The following CFAP54 variants were observed in gnomAD, a reference collection of about 807,000 sequenced individuals.
CFAP54 encodes the protein cilia- and flagella-associated protein 54.
Under a neutral mutation model 370.4 loss-of-function variants are expected in CFAP54, and 290 were observed. That is an observed-to-expected ratio of 0.78 (90% CI 0.71 to 0.86). The LOEUF is 0.86. CFAP54 is among the 40% of genes least tolerant of loss of function. The probability of loss-of-function intolerance (pLI) is 0.00; values close to 1 mark genes in which losing one functional copy is unlikely to be tolerated. For missense variants in CFAP54, 3,399 were observed against 3,528.7 expected (o/e 0.96, Z 0.93); for synonymous variants, 1,206 against 1,236.5 (o/e 0.98, Z 0.52).
chr12:96,741,047 G>A (rs1243203716), intron 51 of CFAP54, among the ~76,000 whole-genome samples: 1 of 152,146 alleles, frequency 6.6e-6, no homozygotes, highest in Non-Finnish European at 1.5e-5. Context: ...GAGTGATTAA[G>A]TTCTATTGAT....
intron 42 of CFAP54, among the ~76,000 whole-genome samples, chr12:96,685,575 G>A (rs1036762328): frequency 2.6e-5 from 4 of 151,396 alleles, no homozygotes; most frequent in Non-Finnish European, 5.9e-5. Flanking sequence ...TTTTTGAGAC[G>A]GAGTCTCACT....
intron 12 of CFAP54, among the ~76,000 whole-genome samples, chr12:96,535,845 T>C (rs533833493): frequency 1.3e-5 from 2 of 152,214 alleles, no homozygotes; most frequent in Non-Finnish European, 2.9e-5. Context: ...ATGAAGGAAA[T>C]GAGGCAGTGG....
Position 96,721,055 on chromosome 12 carries a change from T to C in CFAP54, c.6965+490T>C, listed in dbSNP as rs567917881. Among the ~76,000 whole-genome samples, 110 of 152,138 alleles carry C rather than the reference T, an allele frequency of 7.2e-4. 1 individual carries two copies. In the South Asian group the frequency reaches 8.3e-3, roughly 11 times the overall value. ...AAAATTACAGTTCTCAATAAAGCAA[T>C]TATTTTATGAAGGCACACAGCTGGG... On this transcript the variant is annotated intron_variant, in intron 50 of 67. Transcript: ENST00000524981.
At chr12:96,664,574 C>G (rs1422047749) in intron 39 of CFAP54, among the ~76,000 whole-genome samples, 1 of 149,624 alleles carries the variant, frequency 6.7e-6, no homozygotes, top group African/African-American at 2.5e-5. Context: ...GCTAATTGCT[C>G]TACATAATTT....
At chr12:96,525,761 G>A (rs1465914032) in intron 8 of CFAP54, among the ~76,000 whole-genome samples, 1 of 152,140 alleles carries the variant, frequency 6.6e-6, no homozygotes, top group East Asian at 1.9e-4. Context: ...CATGATCTTG[G>A]CTCACTGCAA....
intron 32 of CFAP54, among the ~76,000 whole-genome samples, chr12:96,640,540 A>G (rs1956714089): frequency 6.6e-6 from 1 of 152,192 alleles, no homozygotes; most frequent in South Asian, 2.1e-4. Context: ...CCATCAACCT[A>G]CCAATGACTT....
At chr12:96,728,381 T>C (rs1260743577) in intron 50 of CFAP54, among the ~76,000 whole-genome samples, 2 of 152,216 alleles carry the variant, frequency 1.3e-5, no homozygotes, top group Non-Finnish European at 2.9e-5. Context: ...TGTTTCTTTT[T>C]ATTCTTTTTT....
chr12:96,755,433 A>C (rs1853154377), intron 56 of CFAP54, among the ~76,000 whole-genome samples: 1 of 151,942 alleles, frequency 6.6e-6, no homozygotes, highest in African/African-American at 2.4e-5. Flanking sequence ...CCTCCCATTT[A>C]ACTGAAACTT....
At chr12:96,521,539 T>C (rs992119982) in intron 6 of CFAP54, among the ~76,000 whole-genome samples, 5 of 124,548 alleles carry the variant, frequency 4.0e-5, no homozygotes, top group East Asian at 2.4e-4. Context: ...TGTGTGTGTG[T>C]GTGTGTGTGC....
At chr12:96,549,991 T>C (rs978215059) in intron 15 of CFAP54, among the ~76,000 whole-genome samples, 3 of 152,190 alleles carry the variant, frequency 2.0e-5, no homozygotes, top group African/African-American at 7.2e-5. Flanking sequence ...TGAGACACTA[T>C]TGTGATTAAA....
At chr12:96,848,709 A>T (rs866640753) in intron 66 of CFAP54, among the ~76,000 whole-genome samples, 1 of 152,248 alleles carries the variant, frequency 6.6e-6, no homozygotes, top group South Asian at 2.1e-4. Flanking sequence ...GAAAGAAAAA[A>T]AAAGATTTCT....
chr12:96,750,827 T>TA (rs891118445), intron 55 of CFAP54, among the ~76,000 whole-genome samples: 1 of 152,192 alleles, frequency 6.6e-6, no homozygotes, highest in East Asian at 1.9e-4. Context: ...AACACAGACT[T>TA]AAAAAACAAA....
At chr12:96,827,003 TTA>T in intron 65 of CFAP54, among the ~76,000 whole-genome samples, 1 of 141,126 alleles carries the variant, frequency 7.1e-6, no homozygotes, top group African/African-American at 2.6e-5. Context: ...TTATATATGA[TTA>T]ATTATAATAT....
chr12:96,517,172 C>T (rs765967583), intron 5 of CFAP54, among the ~76,000 whole-genome samples: 20 of 151,916 alleles, frequency 1.3e-4, no homozygotes, highest in Non-Finnish European at 2.6e-4. Context: ...TTTTTCATAA[C>T]CCTAAGTGGT....
chr12:96,693,432 GA>G lies in CFAP54; in HGVS notation c.6265-289del, dbSNP rs1194669959. On this transcript the variant is annotated intron_variant, in intron 44 of 67. Coordinates refer to ENST00000524981, the MANE Select transcript of CFAP54 (RefSeq NM_001306084.2). ...TTAATCATTTTCAAGGAAGATAATT[GA>G]TTAGATTTTAACCTCTTCCTGCTTA... Among the ~76,000 whole-genome samples, 3 of 152,226 alleles carry G rather than the reference GA, an allele frequency of 2.0e-5. No individual in the cohort carries two copies. The East Asian group carries it at 5.8e-4, about 29-fold the overall frequency.
chr12:96,799,709 T>C (rs1286454337), intron 63 of CFAP54, among the ~76,000 whole-genome samples: 2 of 152,220 alleles, frequency 1.3e-5, no homozygotes, highest in African/African-American at 4.8e-5. Flanking sequence ...AGTTAAATCC[T>C]TGCCAGATAT....
At chr12:96,588,994 A>G (rs1479699756) in intron 22 of CFAP54, among the ~76,000 whole-genome samples, 2 of 152,236 alleles carry the variant, frequency 1.3e-5, no homozygotes, top group Non-Finnish European at 2.9e-5. Flanking sequence ...AGTCAGAACC[A>G]GAAAAGAATG....
At chr12:96,766,823 G>T (rs572207341) in intron 60 of CFAP54, among the ~76,000 whole-genome samples, 2 of 152,162 alleles carry the variant, frequency 1.3e-5, no homozygotes, top group South Asian at 4.2e-4. Context: ...TTTAGGGCAG[G>T]GATGACCAAT....
At chr12:96,615,753 C>G (rs1956409464) in intron 26 of CFAP54, among the ~76,000 whole-genome samples, 1 of 152,196 alleles carries the variant, frequency 6.6e-6, no homozygotes, top group Non-Finnish European at 1.5e-5. Flanking sequence ...CCAAAAGACA[C>G]ATGAAAAAAT....
Sources: gnomAD v4.1 joint callset for allele counts (sites outside exome capture counted in the v4.1 genomes callset) on GRCh38, gnomAD v4.1.1 for gene constraint, MANE v1.5 for transcripts, NCBI Gene and HGNC (gene_info 2026-07-23, HGNC 2026-07-21) for gene names.